The following DKK4 variants were observed in gnomAD, a reference collection of about 807,000 sequenced individuals.
The protein encoded by DKK4 is dickkopf-related protein 4.
A neutral mutation model predicts 14.5 loss-of-function variants in DKK4; 15 were observed. The ratio of observed to expected loss-of-function variants is 1.03; its 90% CI spans 0.69 to 1.59. DKK4 has a LOEUF of 1.59. Ranked by LOEUF, DKK4 falls within the 40% of genes most tolerant of loss-of-function variation. DKK4 has a pLI of 0.00. For missense variants in DKK4, 272 were observed against 280.3 expected, an observed-to-expected ratio of 0.97 and a Z score of 0.21; for synonymous variants, 89 against 105.2, an observed-to-expected ratio of 0.85 and a Z score of 0.94.
the DKK4 span, among the ~76,000 whole-genome samples, chr8:42,385,423 C>T: frequency 1.3e-5 from 2 of 152,046 alleles, no homozygotes; most frequent in Non-Finnish European, 2.9e-5. Context: ...AAAAACGATA[C>T]ACAAATTAGA....
chr8:42,374,796 C>T lies in DKK4; in HGVS notation c.380G>A (p.Arg127Lys), dbSNP rs781644455. ...GHPVQENQPK[R>K]KPSIKKSQGR... The stretch of plus-strand genomic sequence containing the variant: ...TTGTGATTTCTTAATACTTGGCTTC[C>T]TTTTGGGTTGGTTTTCCTGGACTGG... The change falls in exon 3 of 4, where the codon AGG becomes AAG. Residue 127 changes from arginine to lysine, a missense_variant. Coordinates refer to ENST00000220812, the MANE Select transcript of DKK4 (RefSeq NM_014420.3). 102 of 1,614,028 alleles carry T rather than the reference C, an allele frequency of 6.3e-5. No individual in the cohort carries two copies. The highest frequency in any genetic ancestry group is 8.3e-5 in the Non-Finnish European group (98 of 1,180,052).
At chr8:42,387,878 T>C in the DKK4 span, among the ~76,000 whole-genome samples, 12 of 151,266 alleles carry the variant, frequency 7.9e-5, no homozygotes, top group Admixed American at 7.9e-4. Context: ...CAGAATGTTG[T>C]GAAATTTCCA....
Position 42,376,974 on chromosome 8 carries a change from G to T in DKK4, c.72C>A (p.Asn24Lys), listed in dbSNP as rs1824576519. ...GCAGGTCAGCAGAGCTCCTGATGTT[G>T]TTGAAGTCCAGGACCAGAGCTCCCA... is the stretch of plus-strand genomic sequence containing the variant. ...SPLGALVLDF[N>K]NIRSSADLHG... The change falls in exon 1 of 4, where the codon AAC (asparagine) becomes AAA (lysine). Residue 24 changes from asparagine (N) to lysine (K), a missense_variant. By Grantham distance (94) the Asn-to-Lys change is moderately conservative. Coordinates refer to ENST00000220812, the MANE Select transcript of DKK4 (RefSeq NM_014420.3). 2 of 1,613,686 alleles carry T rather than the reference G, an allele frequency of 1.2e-6. No homozygotes were observed. Among genetic ancestry groups the T allele is most frequent in the South Asian group, 2.2e-5 (2 of 91,084 alleles).
chr8:42,378,953 A>C (rs1006643077), upstream of DKK4, among the ~76,000 whole-genome samples: 3 of 147,882 alleles, frequency 2.0e-5, no homozygotes, highest in African/African-American at 7.9e-5. Flanking sequence ...CAAAAAAAAA[A>C]AAAAAAAAAA....
chr8:42,384,166 A>AT, the DKK4 span, among the ~76,000 whole-genome samples: 1 of 151,992 alleles, frequency 6.6e-6, no homozygotes, highest in African/African-American at 2.4e-5. Flanking sequence ...TCATTCTTCA[A>AT]TTCTTTATTT....
chr8:42,384,115 A>G, the DKK4 span, among the ~76,000 whole-genome samples: 23 of 152,198 alleles, frequency 1.5e-4, no homozygotes, highest in African/African-American at 5.3e-4. Context: ...GAGGTCTGCC[A>G]TCTTTGGATC....
In DKK4 at chr8:42,375,816, CA is replaced by C; in HGVS notation, c.125del (p.Leu42ArgfsTer45). On this transcript the variant is annotated frameshift_variant, in exon 2 of 4. Coordinates refer to ENST00000220812, the MANE Select transcript of DKK4 (RefSeq NM_014420.3). LOFTEE classifies it high-confidence loss of function. ...TTCTGGTATTGCAGTCCGTGTCAGA[CA>C]GGCACTGTGAGCCCTGTGGAGGGAA... ...LHGARKGSQC[L>X]SDTDCNTRKF... 1.2e-6 allele frequency: 2 copies of C among 1,614,032 alleles called. No homozygotes were observed. Among genetic ancestry groups the C allele is most frequent in the South Asian group, 2.2e-5 (2 of 91,056 alleles).
intron 2 of DKK4, among the ~76,000 whole-genome samples, chr8:42,375,390 A>C (rs1191474532): frequency 6.6e-6 from 1 of 152,048 alleles, no homozygotes; most frequent in African/African-American, 2.4e-5. Context: ...AAAATAACAA[A>C]AATTAGCCGG....
chr8:42,382,030 C>G (rs1824688152), upstream of DKK4, among the ~76,000 whole-genome samples: 1 of 152,084 alleles, frequency 6.6e-6, no homozygotes, highest in South Asian at 2.1e-4. Context: ...AAAAAAACCT[C>G]TAAACAAATG....
chr8:42,379,378 TAGAGAGAGAGAGAGAGAGAGAG>T (rs537441477), upstream of DKK4, among the ~76,000 whole-genome samples: 57 of 34,560 alleles, frequency 1.6e-3, 2 homozygotes, highest in African/African-American at 7.0e-3. Flanking sequence ...TATATATATA[TAGAGAGAGAGAGAGAGAGAGAG>T]AGAGAGAGAG....
chr8:42,385,401 G>GA, the DKK4 span, among the ~76,000 whole-genome samples: 2 of 151,702 alleles, frequency 1.3e-5, no homozygotes, highest in African/African-American at 4.8e-5. Flanking sequence ...CAAAAAAAGA[G>GA]AAAAAAAATC....
At chr8:42,381,924 G>A (rs1002301912), upstream of DKK4, among the ~76,000 whole-genome samples, 6 of 152,134 alleles carry the variant, frequency 3.9e-5, no homozygotes, top group African/African-American at 1.4e-4. Context: ...TTGAGCCCAG[G>A]AGGCAGAGGT....
rs903876777 is a variant in DKK4, at chr8:42,375,584, G to C, written c.262+96C>G. On this transcript the variant is annotated intron_variant, in intron 2 of 3. Transcript: ENST00000220812. ...TTTACTTCAAGCATGAATCTAGGAA[G>C]CACCATTAGAGAGTGCCTACCCTGG... The C allele has an allele frequency of 1.8e-5, 26 of 1,410,012 alleles. No individual in the cohort carries two copies. In the African/African-American group the frequency reaches 3.1e-4, roughly 17 times the overall value. The allele number at this position is 1,410,012 out of a possible 1,614,324, so 87.3% of individuals were successfully genotyped here.
intron 2 of DKK4, among the ~76,000 whole-genome samples, chr8:42,375,400 G>A (rs1462457030): frequency 6.6e-6 from 1 of 151,696 alleles, no homozygotes; most frequent in African/African-American, 2.4e-5. Context: ...AAATTAGCCG[G>A]GCATGGTGGT....
At chr8:42,390,444 A>G in the DKK4 span, among the ~76,000 whole-genome samples, 4 of 143,016 alleles carry the variant, frequency 2.8e-5, no homozygotes, top group African/African-American at 1.1e-4. Flanking sequence ...GCTCACTGCA[A>G]GCTCCGCCTC....
chr8:42,384,460 T>G, the DKK4 span, among the ~76,000 whole-genome samples: 3 of 152,036 alleles, frequency 2.0e-5, no homozygotes, highest in Non-Finnish European at 4.4e-5. Context: ...ATTCTTTTCT[T>G]TAGATTTAAG....
At chr8:42,387,165 C>A in the DKK4 span, among the ~76,000 whole-genome samples, 1 of 152,062 alleles carries the variant, frequency 6.6e-6, no homozygotes, top group South Asian at 2.1e-4. Flanking sequence ...CCCTTCCCAG[C>A]TCTAAAATTC....
At chr8:42,381,198 G>C (rs1342863427), upstream of DKK4, among the ~76,000 whole-genome samples, 1 of 152,052 alleles carries the variant, frequency 6.6e-6, no homozygotes, top group African/African-American at 2.4e-5. Flanking sequence ...TGGGAGTGGG[G>C]AGGGAGGGGA....
At chr8:42,383,284 T>C in the DKK4 span, among the ~76,000 whole-genome samples, 1 of 152,204 alleles carries the variant, frequency 6.6e-6, no homozygotes, top group Non-Finnish European at 1.5e-5. Context: ...ACAGGGGGGA[T>C]GCCAGGGTGG....
Sources: allele counts gnomAD v4.1 joint callset (sites outside exome capture counted in the v4.1 genomes callset), GRCh38; gene constraint gnomAD v4.1.1; transcripts MANE v1.5; gene names NCBI Gene and HGNC (gene_info 2026-07-23, HGNC 2026-07-21).